RYR1: variants seen among roughly 807,000 people sequenced by gnomAD.
The protein encoded by RYR1 is ryanodine receptor 1.
RYR1 carries 342 observed loss-of-function variants against 583.5 expected under a neutral mutation model. The ratio of observed to expected loss-of-function variants is 0.59; its 90% CI spans 0.54 to 0.64. The LOEUF (loss-of-function observed/expected upper bound fraction) is 0.64, where lower values mean the gene tolerates loss of function less well. Ranked by LOEUF, RYR1 falls within the 30% of genes least tolerant of loss-of-function variation. The probability of loss-of-function intolerance (pLI) is 0.00; values close to 1 mark genes in which losing one functional copy is unlikely to be tolerated. For missense variants in RYR1, 6,032 were observed against 6,917.2 expected (o/e 0.87, Z 4.54); for synonymous variants, 2,791 against 2,822.5 (o/e 0.99, Z 0.35).
chr19:38,443,673 T>C (rs762224993), intron 4 of RYR1, 41 bp downstream of exon 4: 22 of 1,613,528 alleles, frequency 1.4e-5, no homozygotes, highest in Middle Eastern at 1.6e-4. Context: ...GGCCAGGGCA[T>C]GTGGGGCCTG....
chr19:38,554,101 A>G (rs917727667), intron 89 of RYR1, among the ~76,000 whole-genome samples: 4 of 151,982 alleles, frequency 2.6e-5, no homozygotes, highest in Non-Finnish European at 5.9e-5. Flanking sequence ...TTACATTTGT[A>G]CATGTTTTAC....
Position 38,433,746 on chromosome 19 carries a change from G to GGCCCCCCCC in RYR1, c.-84_-83insGCCCCCCCC. 30 of 520,718 alleles carry GGCCCCCCCC rather than the reference G, an allele frequency of 5.8e-5. No homozygotes were observed. Among genetic ancestry groups the GGCCCCCCCC allele is most frequent in the Non-Finnish European group, 8.9e-5 (24 of 269,350 alleles). 32.3% of individuals were successfully genotyped at this position (520,718 alleles called of 1,614,324 possible). ...GTGTCTCCAGAGGTCTCCGACCCCAGCCCGCCCCCAGCCCTCCCGCCCAGC... is the reference window on the plus strand; with the variant it reads ...GTGTCTCCAGAGGTCTCCGACCCCAGGCCCCCCCCCCCGCCCCCAGCCCTCCCGCCCAGC... On this transcript the variant is annotated 5_prime_UTR_variant, in exon 1 of 106. Coordinates refer to ENST00000359596, the MANE Select transcript of RYR1 (RefSeq NM_000540.3).
rs539829239 is a variant in RYR1 at position 38,517,374 on chromosome 19, A to C, written c.9701A>C (p.Asn3234Thr). The change falls in exon 66 of 106, where the codon AAC (asparagine) becomes ACC (threonine). Residue 3234 changes from asparagine to threonine, a missense_variant. By Grantham distance (65) the Asn-to-Thr change is moderately conservative. Around this residue, in one of 11 missense-constraint regions of RYR1, gnomAD observed 1,493 missense variants for 1,715.5 expected, o/e 0.87. Transcript: ENST00000359596. ...PRERAILGLP[N>T]SVEEMCPDIP... ...TGTACCCCAGTCCTGGGGCTCCCCA[A>C]CAGTGTGGAGGAGATGTGTCCCGAC... 2 of 1,613,790 alleles carry C rather than the reference A, an allele frequency of 1.2e-6. No individual in the cohort carries two copies. Among genetic ancestry groups the C allele is most frequent in the Non-Finnish European group, 8.5e-7 (1 of 1,179,998 alleles).
At chr19:38,533,386 T>G (rs1445494652) in intron 78 of RYR1, among the ~76,000 whole-genome samples, 1 of 152,194 alleles carries the variant, frequency 6.6e-6, no homozygotes, top group African/African-American at 2.4e-5. Context: ...GGATCATGTT[T>G]TTAAATGTAT....
At chr19:38,535,015 G>A (rs1234398604) in intron 79 of RYR1, 126 bp from the exon 80 acceptor site, 6 of 1,075,216 alleles carry the variant, frequency 5.6e-6, no homozygotes, top group Non-Finnish European at 8.3e-6. Flanking sequence ...GATCACCCCT[G>A]CATGCACACC....
intron 97 of RYR1, among the ~76,000 whole-genome samples, 166 bp from the exon 98 acceptor site, chr19:38,577,752 C>T (rs977232445): frequency 2.6e-5 from 4 of 151,826 alleles, no homozygotes; most frequent in Non-Finnish European, 4.4e-5. Context: ...GCAGAGATGG[C>T]GCCACTGCCC....
In RYR1 at chr19:38,560,371, A is replaced by T. The variant is rs145320874; in HGVS notation, c.12283-742A>T. 4.3e-3 allele frequency among the ~76,000 whole-genome samples: 657 copies of T among 151,168 alleles called. 5 individuals carry two copies. Among genetic ancestry groups the T allele is most frequent in the African/African-American group, 0.015 (619 of 41,170 alleles). On this transcript the variant is annotated intron_variant, in intron 89 of 105. Coordinates refer to ENST00000359596, the MANE Select transcript of RYR1 (RefSeq NM_000540.3). ...AAAGAGTGAGACCCTGTCTCAGAAA[A>T]AAAAAACAAAAACAAAATACAAATC...
intron 96 of RYR1, 120 bp downstream of exon 96, chr19:38,573,427 A>C: frequency 7.7e-7 from 1 of 1,306,128 alleles, no homozygotes; most frequent in Non-Finnish European, 1.0e-6. Flanking sequence ...CACACCTGTA[A>C]TCCCGGCACT....
intron 37 of RYR1, among the ~76,000 whole-genome samples, chr19:38,492,234 A>G (rs188342594): frequency 5.9e-5 from 9 of 152,116 alleles, no homozygotes; most frequent in South Asian, 2.1e-4. Context: ...GCATGGTGGC[A>G]TACACCTGTA....
rs1354283503 is a variant in RYR1 at position 38,563,454 on chromosome 19, G to A, written c.12625-1505G>A. 3.3e-5 allele frequency among the ~76,000 whole-genome samples: 5 copies of A among 152,292 alleles called. 1 individual carries two copies. Among genetic ancestry groups the A allele is most frequent in the Admixed American group, 1.3e-4 (2 of 15,296 alleles). On this transcript the variant is annotated intron_variant, in intron 90 of 105. Coordinates refer to ENST00000359596, the MANE Select transcript of RYR1 (RefSeq NM_000540.3). ...TAATTTTTATATTTTCAGTAGAGGCGGGGTTTTGCCATGTTGGCAAGGCTG... is the reference window on the plus strand; with the variant it reads ...TAATTTTTATATTTTCAGTAGAGGCAGGGTTTTGCCATGTTGGCAAGGCTG...
intron 13 of RYR1, 62 bp downstream of exon 13, chr19:38,453,076 C>A: frequency 3.3e-6 from 4 of 1,212,696 alleles, no homozygotes; most frequent in Non-Finnish European, 4.6e-6. Flanking sequence ...CACTGAGGGG[C>A]GGGGCCACGG....
Position 38,467,623 on chromosome 19 carries a change from C to G in RYR1, c.3192C>G (p.Asn1064Lys), listed in dbSNP as rs765421708. 1 of 1,614,210 alleles carries G rather than the reference C, an allele frequency of 6.2e-7. No homozygotes were observed. The stretch of plus-strand genomic sequence containing the variant: ...CCTCATTTATAGGTCAGGTGGAGAA[C>G]CAGTCTCGTTGTGACCGGGTGCGCA... Reference protein sequence around the residue: ...PPDQEPSQVENQSRCDRVRIF... With the variant: ...PPDQEPSQVEKQSRCDRVRIF... Residue 1064 changes from asparagine (N) to lysine (K), a missense_variant, in exon 25 of 106, where the codon AAC becomes AAG. By Grantham distance (94) the Asn-to-Lys change is moderately conservative. Around this residue, in one of 11 missense-constraint regions of RYR1, gnomAD observed 2,627 missense variants for 2,961.3 expected, o/e 0.89. Transcript: ENST00000359596.
At position 38,510,374 on chromosome 19, in the gene RYR1, T is replaced by C; in HGVS notation, c.8933-124T>C. 3.2e-6 allele frequency: 3 copies of C among 923,254 alleles called. No homozygotes were observed. The South Asian group carries it at 4.2e-5, about 13-fold the overall frequency. 57.2% of individuals were successfully genotyped at this position (923,254 alleles called of 1,614,324 possible). A position where few individuals can be genotyped will look rare whatever the true frequency, so the allele number is the denominator to read the frequency against. ...AGGTTTATCTCAAAGCCAACACAAATGACTTCATACCAATACTTTATCCCC... is the reference window on the plus strand; with the variant it reads ...AGGTTTATCTCAAAGCCAACACAAACGACTTCATACCAATACTTTATCCCC... On this transcript the variant is annotated intron_variant, in intron 58 of 105. Coordinates refer to ENST00000359596, the MANE Select transcript of RYR1 (RefSeq NM_000540.3).
Position 38,507,026 on chromosome 19 carries a change from A to G in RYR1, c.8816+74A>G, listed in dbSNP as rs1002923796. On this transcript the variant is annotated intron_variant, in intron 57 of 105. Transcript: ENST00000359596. Reference sequence around the variant, plus strand: ...GGCAAAGGCTGGAAGGGGCGGGGCCAGAGAGGGGTGGAGCCGAGAGGAACG... The same window carrying G: ...GGCAAAGGCTGGAAGGGGCGGGGCCGGAGAGGGGTGGAGCCGAGAGGAACG... 80 of 1,606,302 alleles carry G rather than the reference A, an allele frequency of 5.0e-5. No homozygotes were observed. In the Admixed American group the frequency reaches 1.0e-3, roughly 20 times the overall value.
In RYR1 at chr19:38,519,333, C is replaced by T. The variant is rs1427782139; in HGVS notation, c.10138C>T (p.Arg3380Cys). 6.2e-7 allele frequency: 1 copy of T among 1,613,446 alleles called. No individual in the cohort carries two copies. The highest frequency in any genetic ancestry group is 8.5e-7 in the Non-Finnish European group (1 of 1,179,710). The change falls in exon 67 of 106, where the codon CGC becomes TGC. Residue 3380 changes from arginine (R) to cysteine (C), a missense_variant. This residue lies in a region of RYR1 where 1,493 missense variants were observed against 1,715.5 expected (regional missense o/e 0.87). Coordinates refer to ENST00000359596, the MANE Select transcript of RYR1 (RefSeq NM_000540.3). Reference protein sequence around the residue: ...GKVVSEEEQLRLEAKAEAQEG... With the variant: ...GKVVSEEEQLCLEAKAEAQEG... ...GGTGGTGTCCGAGGAGGAGCAGCTGCGCCTGGAGGCCAAGGCGGAGGCCCA... is the reference window on the plus strand; with the variant it reads ...GGTGGTGTCCGAGGAGGAGCAGCTGTGCCTGGAGGCCAAGGCGGAGGCCCA...
chr19:38,584,854 C>T (rs1012797478), intron 101 of RYR1, 89 bp from the exon 102 acceptor site: 2 of 1,518,566 alleles, frequency 1.3e-6, no homozygotes, highest in Non-Finnish European at 1.8e-6. Context: ...CAGTCGTTAC[C>T]ATGTCTTCAG....
Position 38,574,639 on chromosome 19 carries a change from CA to C in RYR1, c.14130-1270del, listed in dbSNP as rs543697889. 2.0e-4 allele frequency among the ~76,000 whole-genome samples: 28 copies of C among 137,862 alleles called. 1 individual carries two copies. Among genetic ancestry groups the C allele is most frequent in the Admixed American group, 1.5e-3 (21 of 13,728 alleles). The allele number at this position is 137,862 out of a possible 152,430, so 90.4% of individuals were successfully genotyped here. ...AGAGCAAGACCCTATGTCTGGGGGCCAAAAAAAAAACAAGTAGGAATTGGAA... is the reference window on the plus strand; with the variant it reads ...AGAGCAAGACCCTATGTCTGGGGGCCAAAAAAAAACAAGTAGGAATTGGAA... On this transcript the variant is annotated intron_variant, in intron 96 of 105. Coordinates refer to ENST00000359596, the MANE Select transcript of RYR1 (RefSeq NM_000540.3).
At chr19:38,526,684 C>T (rs536770036) in intron 71 of RYR1, among the ~76,000 whole-genome samples, 3 of 152,152 alleles carry the variant, frequency 2.0e-5, no homozygotes, top group Admixed American at 1.3e-4. Flanking sequence ...TCTGACCCCC[C>T]AGTCATCCCT....
At chr19:38,507,899 G>T in intron 58 of RYR1, 72 bp downstream of exon 58, 1 of 898,068 alleles carries the variant, frequency 1.1e-6, no homozygotes, top group South Asian at 1.3e-5. Context: ...GACTCACCTA[G>T]GACACCTGTT....
Sources: gnomAD v4.1 joint callset for allele counts (sites outside exome capture counted in the v4.1 genomes callset) on GRCh38, gnomAD v4.1.1 for gene constraint, gnomAD v4.1.1 regional missense constraint, MANE v1.5 for transcripts, NCBI Gene and HGNC (gene_info 2026-07-23, HGNC 2026-07-21) for gene names.